Variants in GAL3ST2 observed in about 807,000 individuals in gnomAD.
The protein encoded by GAL3ST2 is beta-galactose-3-O-sulfotransferase 2.
A neutral mutation model predicts 12.9 loss-of-function variants in GAL3ST2; 16 were observed. The observed-to-expected ratio is 1.24, with a 90% confidence interval of 0.84 to 1.88. GAL3ST2 has a LOEUF of 1.88. Among genes scored for constraint, GAL3ST2 ranks in the 40% most tolerant of loss-of-function variants. The pLI is 0.00. For missense variants in GAL3ST2, 639 were observed against 571.8 expected (o/e 1.12, Z -1.20); for synonymous variants, 302 against 273.9 (o/e 1.10, Z -1.01).
At chr2:241,796,024 G>A (rs181023047) in intron 1 of GAL3ST2, among the ~76,000 whole-genome samples, 168 of 152,362 alleles carry the variant, frequency 1.1e-3, no homozygotes, top group Non-Finnish European at 2.0e-3. Context: ...ATTGGAGTCT[G>A]AGGTGCCGCG....
chr2:241,797,058 T>C (rs1239294742), intron 1 of GAL3ST2, among the ~76,000 whole-genome samples: 1 of 152,236 alleles, frequency 6.6e-6, no homozygotes, highest in Admixed American at 6.5e-5. Flanking sequence ...GGGGTCTCAC[T>C]GTATTGCCCA....
intron 1 of GAL3ST2, among the ~76,000 whole-genome samples, chr2:241,798,464 G>T (rs1213436599): frequency 6.6e-6 from 1 of 152,124 alleles, no homozygotes; most frequent in African/African-American, 2.4e-5. Context: ...GGGGAGCGAG[G>T]GTGGGGAGTG....
Position 241,801,580 on chromosome 2 carries a change from C to T in GAL3ST2, c.120-201C>T, listed in dbSNP as rs959000457. ...GGAGACAGTTGGGGGAGTTTGTGTT[C>T]GGGCCACCAGCTGGGAGGTTGTGGA... On this transcript the variant is annotated intron_variant, in intron 2 of 3. Coordinates refer to ENST00000192314, the MANE Select transcript of GAL3ST2 (RefSeq NM_022134.3). The surrounding 1 kb of genome is among the most constrained non-coding windows in gnomAD (Gnocchi z 4.4). The T allele has an allele frequency of 4.0e-5, 26 of 646,228 alleles. No homozygotes were observed. Among genetic ancestry groups the T allele is most frequent in the Non-Finnish European group, 5.2e-5 (20 of 381,406 alleles). The allele number at this position is 646,228 out of a possible 1,614,324, so 40.0% of individuals were successfully genotyped here. A position where few individuals can be genotyped will look rare whatever the true frequency, so the allele number is the denominator to read the frequency against.
chr2:241,782,947 G>T (rs1490210378), intron 1 of GAL3ST2, among the ~76,000 whole-genome samples: 2 of 152,080 alleles, frequency 1.3e-5, no homozygotes, highest in African/African-American at 4.8e-5. Context: ...AGGCCAGCTT[G>T]GTCAACATGG....
rs74603454 is a variant in GAL3ST2 at position 241,801,436 on chromosome 2, C to G, written c.120-345C>G. 5.2e-6 allele frequency: 2 copies of G among 382,606 alleles called. No homozygotes were observed. Among genetic ancestry groups the G allele is most frequent in the Non-Finnish European group, 4.8e-6 (1 of 209,068 alleles). 23.7% of individuals were successfully genotyped at this position (382,606 alleles called of 1,614,324 possible). A position where few individuals can be genotyped will look rare whatever the true frequency, so the allele number is the denominator to read the frequency against. ...TGTGACGAGGCGTCTACCTCCCATC[C>G]CATCACTGCTGGGAACTCAGTTTTA... is the stretch of plus-strand genomic sequence containing the variant. On this transcript the variant is annotated intron_variant, in intron 2 of 3. Coordinates refer to ENST00000192314, the MANE Select transcript of GAL3ST2 (RefSeq NM_022134.3). The surrounding 1 kb of genome is among the most constrained non-coding windows in gnomAD (Gnocchi z 4.4).
intron 2 of GAL3ST2, 90 bp downstream of exon 2, chr2:241,799,244 C>G (rs143973937): frequency 2.8e-5 from 31 of 1,123,728 alleles, no homozygotes; most frequent in Middle Eastern, 1.9e-4. Flanking sequence ...ATCACGCCCC[C>G]CACTGGGCCT....
chr2:241,798,985 T>C, intron 1 of GAL3ST2, 80 bp from the exon 2 acceptor site: 1 of 1,153,344 alleles, frequency 8.7e-7, no homozygotes, highest in Non-Finnish European at 1.3e-6. Flanking sequence ...GCCCAAGGCC[T>C]GGACTTGGCT....
chr2:241,786,311 C>G (rs1278786058), intron 1 of GAL3ST2, among the ~76,000 whole-genome samples: 1 of 152,090 alleles, frequency 6.6e-6, no homozygotes. Context: ...CAAACAACAA[C>G]AACAACAAAC....
At chr2:241,788,234 C>T (rs1275005616) in intron 1 of GAL3ST2, among the ~76,000 whole-genome samples, 1 of 152,130 alleles carries the variant, frequency 6.6e-6, no homozygotes, top group Non-Finnish European at 1.5e-5. Context: ...CTCTGTTTTC[C>T]TGTATTGCAT....
Position 241,802,119 on chromosome 2 carries a change from A to G in GAL3ST2, c.375+83A>G. The G allele has an allele frequency of 7.0e-7, 1 of 1,438,802 alleles. No individual in the cohort carries two copies. The highest frequency in any genetic ancestry group is 9.3e-7 in the Non-Finnish European group (1 of 1,069,660). 89.1% of individuals were successfully genotyped at this position (1,438,802 alleles called of 1,614,324 possible). On this transcript the variant is annotated intron_variant, in intron 3 of 3. Transcript: ENST00000192314. This position sits in a 1 kb window ranked among gnomAD's most constrained non-coding sequence, Gnocchi z 4.8. ...CTGGGTGGTGTAGCCTGGAGGCTGG[A>G]GAGAAGGAGTGTAAGGCTTGGGGGC...
rs1699893772 is a variant in GAL3ST2 at position 241,803,835 on chromosome 2, C to T, written c.866C>T (p.Thr289Ile). The T allele has an allele frequency of 3.4e-6, 5 of 1,483,802 alleles. No homozygotes were observed. Among genetic ancestry groups the T allele is most frequent in the Admixed American group, 5.1e-5 (2 of 39,068 alleles). The allele number at this position is 1,483,802 out of a possible 1,614,324, so 91.9% of individuals were successfully genotyped here. Residue 289 changes from threonine to isoleucine, a missense_variant, in exon 4 of 4, where the codon ACC becomes ATC. Physicochemically the swap from Thr to Ile is moderately conservative, Grantham distance 89. Coordinates refer to ENST00000192314, the MANE Select transcript of GAL3ST2 (RefSeq NM_022134.3). ...DWRLYEHFNR[T>I]LWAQLRAELG... ...CGCCTGTACGAGCATTTCAACCGCACCCTCTGGGCGCAGCTGCGCGCCGAG... is the reference window on the plus strand; with the variant it reads ...CGCCTGTACGAGCATTTCAACCGCATCCTCTGGGCGCAGCTGCGCGCCGAG...
At chr2:241,782,540 G>A (rs1699577820) in intron 1 of GAL3ST2, among the ~76,000 whole-genome samples, 1 of 152,080 alleles carries the variant, frequency 6.6e-6, no homozygotes, top group Non-Finnish European at 1.5e-5. Flanking sequence ...TGGCCAGGCT[G>A]GTCTTGAACT....
chr2:241,791,917 T>A (rs1314478954), intron 1 of GAL3ST2, among the ~76,000 whole-genome samples: 2 of 152,172 alleles, frequency 1.3e-5, no homozygotes, highest in East Asian at 3.8e-4. Flanking sequence ...CAAATTCTGA[T>A]TTTCCTTGGC....
chr2:241,777,184 C>A lies in GAL3ST2; in HGVS notation c.29+200C>A, dbSNP rs547847000. On this transcript the variant is annotated intron_variant, in intron 1 of 3. Coordinates refer to ENST00000192314, the MANE Select transcript of GAL3ST2 (RefSeq NM_022134.3). ...GGGCCCCTCCTGCCCAGGCCTGGTGCTGCTTCTGGGTGTTTGGGGGTTCTG... is the reference window on the plus strand; with the variant it reads ...GGGCCCCTCCTGCCCAGGCCTGGTGATGCTTCTGGGTGTTTGGGGGTTCTG... Among the ~76,000 whole-genome samples the A allele has an allele frequency of 3.9e-5, 6 of 152,332 alleles. No individual in the cohort carries two copies. In the East Asian group the frequency reaches 1.2e-3, roughly 29 times the overall value.
intron 1 of GAL3ST2, among the ~76,000 whole-genome samples, chr2:241,789,688 C>T (rs1699673037): frequency 6.6e-6 from 1 of 152,128 alleles, no homozygotes; most frequent in Admixed American, 6.5e-5. Context: ...TCAAGACCAG[C>T]CTGGCCAATG....
At chr2:241,794,897 AC>A (rs1166633945) in intron 1 of GAL3ST2, among the ~76,000 whole-genome samples, 2 of 152,124 alleles carry the variant, frequency 1.3e-5, no homozygotes, top group African/African-American at 4.8e-5. Context: ...TAGCAGCTGA[AC>A]TCTTGAACAT....
chr2:241,784,902 A>G (rs1699610609), intron 1 of GAL3ST2, among the ~76,000 whole-genome samples: 1 of 152,238 alleles, frequency 6.6e-6, no homozygotes, highest in Admixed American at 6.5e-5. Flanking sequence ...TATGGAGAGA[A>G]CAAGTCTGGT....
At chr2:241,798,727 C>T (rs1030493569) in intron 1 of GAL3ST2, among the ~76,000 whole-genome samples, 1 of 152,138 alleles carries the variant, frequency 6.6e-6, no homozygotes, top group Non-Finnish European at 1.5e-5. Context: ...GGGGGCCCTG[C>T]GTGGGTAGAG....
chr2:241,794,980 T>C (rs1699753231), intron 1 of GAL3ST2, among the ~76,000 whole-genome samples: 1 of 152,192 alleles, frequency 6.6e-6, no homozygotes. Flanking sequence ...TTTACCCAAT[T>C]AGAGTGCACA....
Sources: allele counts gnomAD v4.1 joint callset (sites outside exome capture counted in the v4.1 genomes callset), GRCh38; gene constraint gnomAD v4.1.1; non-coding constraint Gnocchi (gnomAD v3.1); transcripts MANE v1.5; gene names NCBI Gene and HGNC (gene_info 2026-07-23, HGNC 2026-07-21).